Variants in CBLB observed in about 807,000 individuals in gnomAD.
The protein encoded by CBLB is E3 ubiquitin-protein ligase CBL-B.
In CBLB, 31 loss-of-function variants were observed where a neutral mutation model predicts 104.9. The observed-to-expected ratio is 0.30, with a 90% CI of 0.22 to 0.40. CBLB has a LOEUF of 0.40. Among genes scored for constraint, CBLB ranks in the 10% least tolerant of loss-of-function variants. CBLB has a pLI of 1.00. For synonymous variants in CBLB, 440 were observed against 422.6 expected, an observed-to-expected ratio of 1.04 and a Z score of -0.51; for missense variants, 1,062 against 1,214.6, an observed-to-expected ratio of 0.87 and a Z score of 1.87.
At chr3:105,707,565 T>C (rs1358084589) in intron 10 of CBLB, among the ~76,000 whole-genome samples, 1 of 152,178 alleles carries the variant, frequency 6.6e-6, no homozygotes, top group Non-Finnish European at 1.5e-5. Flanking sequence ...GTTAGTGTAC[T>C]GAAGCTTTGC....
chr3:105,754,124 G>T (rs552228772), intron 4 of CBLB, among the ~76,000 whole-genome samples: 7 of 152,148 alleles, frequency 4.6e-5, no homozygotes, highest in Admixed American at 3.9e-4. Flanking sequence ...CCATTATTGT[G>T]TAGGAGGTGG....
intron 10 of CBLB, among the ~76,000 whole-genome samples, chr3:105,705,494 T>C (rs1481345363): frequency 6.6e-6 from 1 of 152,210 alleles, no homozygotes; most frequent in Non-Finnish European, 1.5e-5. Context: ...CTGATGACTT[T>C]GACAGTTTTG....
chr3:105,761,782 G>A (rs2077659389), intron 4 of CBLB, among the ~76,000 whole-genome samples: 1 of 152,208 alleles, frequency 6.6e-6, no homozygotes, highest in Non-Finnish European at 1.5e-5. Flanking sequence ...AGCAACTTTG[G>A]AACTGGATAA....
At chr3:105,700,738 T>G (rs1013068510) in intron 12 of CBLB, among the ~76,000 whole-genome samples, 28 of 152,294 alleles carry the variant, frequency 1.8e-4, no homozygotes, top group Middle Eastern at 3.4e-3. Context: ...CTGCCACCAC[T>G]CCTTGCCTTT....
At position 105,720,039 on chromosome 3, in the gene CBLB, A is replaced by G. The variant is rs368171296; in HGVS notation, c.1407+8T>C. 33 of 1,599,606 alleles carry G rather than the reference A, an allele frequency of 2.1e-5. No individual in the cohort carries two copies. The highest frequency in any genetic ancestry group is 2.8e-5 in the Non-Finnish European group (33 of 1,167,018). ...TCACCTTAACTAAACCCATGTTTCTAGTTTTACCTTTCGGACGTTTGCCAA... is the reference window on the plus strand; with the variant it reads ...TCACCTTAACTAAACCCATGTTTCTGGTTTTACCTTTCGGACGTTTGCCAA... On this transcript the variant is annotated splice_region_variant and intron_variant, in intron 10 of 18. Coordinates refer to ENST00000394030, the MANE Select transcript of CBLB (RefSeq NM_170662.5).
intron 3 of CBLB, among the ~76,000 whole-genome samples, chr3:105,844,661 A>G (rs1182396972): frequency 6.6e-6 from 1 of 152,234 alleles, no homozygotes; most frequent in African/African-American, 2.4e-5. Flanking sequence ...TAAAAGATTT[A>G]GAAAACGGAA....
At chr3:105,819,030 T>C (rs893735439) in intron 3 of CBLB, among the ~76,000 whole-genome samples, 1 of 152,242 alleles carries the variant, frequency 6.6e-6, no homozygotes, top group South Asian at 2.1e-4. Context: ...TGTATAGTTA[T>C]ACAATAACTC....
At chr3:105,710,929 GT>G (rs2070979238) in intron 10 of CBLB, among the ~76,000 whole-genome samples, 1 of 151,874 alleles carries the variant, frequency 6.6e-6, no homozygotes, top group Non-Finnish European at 1.5e-5. Flanking sequence ...AAGAAGTAAA[GT>G]AGTCAAAAGC....
intron 9 of CBLB, among the ~76,000 whole-genome samples, chr3:105,728,316 A>G (rs184270090): frequency 2.3e-4 from 35 of 152,334 alleles, no homozygotes; most frequent in Non-Finnish European, 2.8e-4. Flanking sequence ...CTATGCACCA[A>G]TAATAGACAA....
intron 17 of CBLB, among the ~76,000 whole-genome samples, chr3:105,675,884 CAAAA>C (rs71111383): frequency 3.7e-5 from 3 of 81,912 alleles, no homozygotes; most frequent in Non-Finnish European, 4.4e-5. Flanking sequence ...GACCCTGTCT[CAAAA>C]AAAAAAAAAA....
chr3:105,867,210 A>G (rs1265393667), intron 2 of CBLB, among the ~76,000 whole-genome samples, 200 bp downstream of exon 2: 1 of 152,244 alleles, frequency 6.6e-6, no homozygotes, highest in African/African-American at 2.4e-5. Flanking sequence ...TAAAGAGTAG[A>G]AAGGATGAAA....
At chr3:105,700,569 C>T (rs1208641461) in intron 12 of CBLB, among the ~76,000 whole-genome samples, 1 of 151,962 alleles carries the variant, frequency 6.6e-6, no homozygotes, top group Non-Finnish European at 1.5e-5. Flanking sequence ...GAGGAGCTCC[C>T]CACTAACAGA....
intron 4 of CBLB, among the ~76,000 whole-genome samples, chr3:105,764,533 C>G (rs952857450): frequency 1.3e-5 from 2 of 152,166 alleles, no homozygotes; most frequent in African/African-American, 4.8e-5. Context: ...GCTCCACCAA[C>G]ACTGTTCTCT....
At chr3:105,699,437 G>C (rs1332486962) in intron 12 of CBLB, among the ~76,000 whole-genome samples, 2 of 152,048 alleles carry the variant, frequency 1.3e-5, no homozygotes, top group African/African-American at 4.8e-5. Flanking sequence ...ATAAAATAAA[G>C]TTCCACTTTA....
chr3:105,864,639 T>G (rs1475446459), intron 2 of CBLB, among the ~76,000 whole-genome samples: 1 of 152,216 alleles, frequency 6.6e-6, no homozygotes, highest in Non-Finnish European at 1.5e-5. Flanking sequence ...GATTTTCTGT[T>G]ACAAAACACT....
chr3:105,810,209 T>C (rs1487337638), intron 3 of CBLB, among the ~76,000 whole-genome samples: 4 of 152,152 alleles, frequency 2.6e-5, no homozygotes, highest in Non-Finnish European at 4.4e-5. Context: ...CAAAGAGATT[T>C]TCTATTGGGA....
intron 3 of CBLB, among the ~76,000 whole-genome samples, chr3:105,792,938 G>T (rs2081857334): frequency 6.6e-6 from 1 of 152,086 alleles, no homozygotes; most frequent in Non-Finnish European, 1.5e-5. Flanking sequence ...AAATAAAAAA[G>T]TATTTTCTCC....
intron 17 of CBLB, chr3:105,672,456 A>C (rs990344073): frequency 1.2e-5 from 2 of 173,064 alleles, no homozygotes; most frequent in African/African-American, 4.7e-5. Flanking sequence ...AGTTGGAAGC[A>C]TTCAGGCTTT....
intron 3 of CBLB, among the ~76,000 whole-genome samples, chr3:105,814,208 T>G (rs1387960347): frequency 2.0e-5 from 3 of 152,158 alleles, no homozygotes; most frequent in Non-Finnish European, 4.4e-5. Flanking sequence ...AAAGCTTTTG[T>G]GTGCTTTATG....
Sources: gnomAD v4.1 joint callset for allele counts (sites outside exome capture counted in the v4.1 genomes callset) on GRCh38, gnomAD v4.1.1 for gene constraint, MANE v1.5 for transcripts, NCBI Gene and HGNC (gene_info 2026-07-23, HGNC 2026-07-21) for gene names.